Variants in PIGG observed in about 807,000 individuals in gnomAD.
PIGG encodes GPI ethanolamine phosphate transferase 2, catalytic subunit.
A neutral mutation model predicts 83.2 loss-of-function variants in PIGG; 70 were observed. That is an observed-to-expected ratio of 0.84 (90% confidence interval 0.69 to 1.03). PIGG has a LOEUF of 1.03. PIGG is among the 50% of genes least tolerant of loss of function. The probability of loss-of-function intolerance (pLI) is 0.00; values close to 1 mark genes in which losing one functional copy is unlikely to be tolerated. For synonymous variants in PIGG, 532 were observed against 519.5 expected, an observed-to-expected ratio of 1.02 and a Z score of -0.33; for missense variants, 1,257 against 1,233.6, an observed-to-expected ratio of 1.02 and a Z score of -0.28.
intron 5 of PIGG, among the ~76,000 whole-genome samples, chr4:509,718 A>C (rs1157866435): frequency 6.6e-6 from 1 of 151,974 alleles, no homozygotes; most frequent in Non-Finnish European, 1.5e-5. Context: ...TTGCCAGCCT[A>C]GTTTCCTTTC....
intron 2 of PIGG, among the ~76,000 whole-genome samples, chr4:503,963 A>T (rs536877139): frequency 1.3e-5 from 2 of 152,234 alleles, no homozygotes; most frequent in South Asian, 4.2e-4. Context: ...TGAGGTTCAC[A>T]TTTTAAAAAA....
chr4:530,094 T>A (rs993088996), intron 10 of PIGG, among the ~76,000 whole-genome samples: 9 of 152,236 alleles, frequency 5.9e-5, no homozygotes, highest in African/African-American at 1.2e-4. Context: ...GGGTTTTTTT[T>A]AATTAACTGC....
At chr4:501,773 C>T (rs1315538618) in intron 2 of PIGG, 2 of 152,584 alleles carry the variant, frequency 1.3e-5, no homozygotes, top group African/African-American at 2.4e-5. Context: ...GTGTGCCACA[C>T]TGTTCCAGAC....
intron 5 of PIGG, among the ~76,000 whole-genome samples, chr4:514,725 C>G (rs74331506): frequency 0.024 from 3,678 of 152,236 alleles, 132 homozygotes; most frequent in African/African-American, 0.083. Context: ...TTTCTTCTTC[C>G]TAAGTTTAGA....
chr4:535,726 C>T (rs993387337), intron 12 of PIGG, among the ~76,000 whole-genome samples: 2 of 152,136 alleles, frequency 1.3e-5, no homozygotes, highest in Non-Finnish European at 2.9e-5. Context: ...GAGCTGCCGG[C>T]GACTCCACAG....
At chr4:530,857 T>C in intron 11 of PIGG, 112 bp downstream of exon 11, 3 of 753,048 alleles carry the variant, frequency 4.0e-6, no homozygotes, top group South Asian at 3.6e-5. Flanking sequence ...CAGTGTGGCA[T>C]GGTGAATTAC....
rs1245819297 is a variant in PIGG at position 526,982 on chromosome 4, AG to A, written c.2070-56del. 1.9e-6 allele frequency: 3 copies of A among 1,601,722 alleles called. No individual in the cohort carries two copies. The African/African-American group carries it at 4.0e-5, about 21-fold the overall frequency. On this transcript the variant is annotated intron_variant, in intron 9 of 12. Transcript: ENST00000453061. ...CCGTTCTTTGAAAGCCACTTGGTGT[AG>A]ATTGATCTTGTCGCTGTTTGTTTAC... is the stretch of plus-strand genomic sequence containing the variant.
chr4:515,930 A>G lies in PIGG; in HGVS notation c.902-43A>G. 1 of 1,483,006 alleles carries G rather than the reference A, an allele frequency of 6.7e-7. No homozygotes were observed. The highest frequency in any genetic ancestry group is 9.4e-7 in the Non-Finnish European group (1 of 1,060,872). The allele number at this position is 1,483,006 out of a possible 1,614,324, so 91.9% of individuals were successfully genotyped here. A position where few individuals can be genotyped will look rare whatever the true frequency, so the allele number is the denominator to read the frequency against. ...AATTCAAGAATGAGTACCATCTTAC[A>G]CTTTCTAGAAGTCTGTTACTTAAAA... On this transcript the variant is annotated intron_variant, in intron 5 of 12. Coordinates refer to ENST00000453061, the MANE Select transcript of PIGG (RefSeq NM_001127178.3). The surrounding 1 kb of genome is among the most constrained non-coding windows in gnomAD (Gnocchi z 4.2).
rs370538286 is a variant in PIGG, at chr4:515,956, T to C, written c.902-17T>C. 880 of 1,600,640 alleles carry C rather than the reference T, an allele frequency of 5.5e-4. No individual in the cohort carries two copies. The highest frequency in any genetic ancestry group is 7.2e-4 in the Non-Finnish European group (839 of 1,167,740). On this transcript the variant is annotated splice_polypyrimidine_tract_variant and intron_variant, in intron 5 of 12. Coordinates refer to ENST00000453061, the MANE Select transcript of PIGG (RefSeq NM_001127178.3). The surrounding 1 kb of genome is among the most constrained non-coding windows in gnomAD (Gnocchi z 4.2). ...CTTTCTAGAAGTCTGTTACTTAAAATGTTTTCTTTCTTCTAGGTGATATCC... is the reference window on the plus strand; with the variant it reads ...CTTTCTAGAAGTCTGTTACTTAAAACGTTTTCTTTCTTCTAGGTGATATCC...
chr4:510,352 A>G (rs1462222259), intron 5 of PIGG, among the ~76,000 whole-genome samples: 4 of 152,162 alleles, frequency 2.6e-5, no homozygotes, highest in Non-Finnish European at 4.4e-5. Flanking sequence ...CTCTCATGCT[A>G]TTGTTTGTGG....
At chr4:512,357 T>C (rs549721710) in intron 5 of PIGG, among the ~76,000 whole-genome samples, 35 of 151,332 alleles carry the variant, frequency 2.3e-4, no homozygotes, top group South Asian at 1.7e-3. Flanking sequence ...GTAGCTGGGA[T>C]TACAGGCACC....
intron 6 of PIGG, among the ~76,000 whole-genome samples, chr4:517,714 G>A (rs1044413376): frequency 4.6e-5 from 7 of 152,134 alleles, no homozygotes; most frequent in African/African-American, 1.7e-4. Context: ...CAGACACTGC[G>A]ACTCTAATGG....
chr4:534,226 G>A (rs1003128992), intron 12 of PIGG, among the ~76,000 whole-genome samples: 1 of 152,168 alleles, frequency 6.6e-6, no homozygotes, highest in African/African-American at 2.4e-5. Flanking sequence ...TGGGTCTGAC[G>A]GGGCCTCGCT....
At chr4:513,368 C>T (rs1408787325) in intron 5 of PIGG, among the ~76,000 whole-genome samples, 3 of 151,970 alleles carry the variant, frequency 2.0e-5, no homozygotes, top group East Asian at 1.9e-4. Flanking sequence ...TGAAAATAAG[C>T]GGTTTTGGAT....
chr4:535,019 G>C (rs1024281085), intron 12 of PIGG, among the ~76,000 whole-genome samples: 11 of 152,246 alleles, frequency 7.2e-5, no homozygotes, highest in African/African-American at 2.7e-4. Context: ...CACACTCTCT[G>C]CTTCCTCATC....
rs770757120 is a variant in PIGG at position 523,562 on chromosome 4, A to G, written c.1718A>G (p.Glu573Gly). 1.9e-6 allele frequency: 3 copies of G among 1,614,030 alleles called. No individual in the cohort carries two copies. The highest frequency in any genetic ancestry group is 2.5e-6 in the Non-Finnish European group (3 of 1,179,920). ...CTGGGCGCCAGCAGCTTCGTGGAGG[A>G]GGAGCACCAGACCTGGTACTTCCTT... Reference protein sequence around the residue: ...LSLGASSFVEEEHQTWYFLVN... With the variant: ...LSLGASSFVEGEHQTWYFLVN... Residue 573 changes from glutamate (E) to glycine (G), a missense_variant, in exon 9 of 13, where the codon GAG (glutamate) becomes GGG (glycine). Physicochemically the swap from Glu to Gly is moderately conservative, Grantham distance 98 (BLOSUM62 -2). Transcript: ENST00000453061.
chr4:515,623 G>A lies in PIGG; in HGVS notation c.902-350G>A, dbSNP rs1723578746. ...GATCCCAGCCTCACTTCATTCTCCG[G>A]TTGGCTGTTGACCTTGCCAAAGTGA... On this transcript the variant is annotated intron_variant, in intron 5 of 12. Transcript: ENST00000453061. This position sits in a 1 kb window ranked among gnomAD's most constrained non-coding sequence, Gnocchi z 4.2. Among the ~76,000 whole-genome samples the A allele has an allele frequency of 6.6e-6, 1 of 152,246 alleles. No individual in the cohort carries two copies. Among genetic ancestry groups the A allele is most frequent in the South Asian group, 2.1e-4 (1 of 4,836 alleles).
intron 10 of PIGG, chr4:527,624 T>C: frequency 1.0e-6 from 1 of 996,220 alleles, no homozygotes; most frequent in Non-Finnish European, 1.2e-6. Flanking sequence ...TAATTGGTGA[T>C]GAGGATGATG....
rs775387761 is a variant in PIGG, at chr4:523,698, C to T, written c.1854C>T (p.Ala618=). 1 of 1,614,230 alleles carries T rather than the reference C, an allele frequency of 6.2e-7. No individual in the cohort carries two copies. Among genetic ancestry groups the T allele is most frequent in the East Asian group, 2.2e-5 (1 of 44,882 alleles). Residue 618 remains alanine (A), a synonymous_variant, in exon 9 of 13, where the codon GCC becomes GCT. Coordinates refer to ENST00000453061, the MANE Select transcript of PIGG (RefSeq NM_001127178.3). The part of the protein sequence containing the change: ...GLCVEQGHDG[A]TAAWQDGPGC... The stretch of plus-strand genomic sequence containing the variant: ...GTGTGGAACAAGGGCATGACGGGGC[C>T]ACAGCAGCGTGGCAGGACGGGCCTG...
Sources: gnomAD v4.1 joint callset for allele counts (sites outside exome capture counted in the v4.1 genomes callset) on GRCh38, gnomAD v4.1.1 for gene constraint, Gnocchi (gnomAD v3.1) non-coding constraint, MANE v1.5 for transcripts, NCBI Gene and HGNC (gene_info 2026-07-23, HGNC 2026-07-21) for gene names.